CFAP20DC: variants seen among roughly 807,000 people sequenced by gnomAD.
CFAP20DC encodes the protein CFAP20 domain containing, also known as protein CFAP20DC.
A neutral mutation model predicts 101.7 loss-of-function variants in CFAP20DC; 84 were observed. The observed-to-expected ratio is 0.83, with a 90% CI of 0.69 to 0.99. The LOEUF (loss-of-function observed/expected upper bound fraction) is 0.99, where lower values mean the gene tolerates loss of function less well. CFAP20DC is among the 50% of genes least tolerant of loss of function. The probability of loss-of-function intolerance (pLI) is 0.00; values close to 1 mark genes in which losing one functional copy is unlikely to be tolerated. For missense variants in CFAP20DC, 1,007 were observed against 970.3 expected, an observed-to-expected ratio of 1.04 and a Z score of -0.50; for synonymous variants, 359 against 351.2, an observed-to-expected ratio of 1.02 and a Z score of -0.25.
chr3:58,881,120 T>C (rs542038511), intron 7 of CFAP20DC, among the ~76,000 whole-genome samples: 125 of 152,278 alleles, frequency 8.2e-4, no homozygotes, highest in Non-Finnish European at 1.4e-3. Context: ...AATAGTTAGA[T>C]GATTATTTCA....
intron 5 of CFAP20DC, among the ~76,000 whole-genome samples, chr3:58,931,017 A>G (rs576784442): frequency 1.8e-4 from 28 of 152,262 alleles, no homozygotes; most frequent in Admixed American, 1.4e-3. Flanking sequence ...CTTTCCTAGT[A>G]AAAGAAAGGG....
At chr3:58,745,166 T>C (rs1412095527) in intron 16 of CFAP20DC, among the ~76,000 whole-genome samples, 1 of 152,160 alleles carries the variant, frequency 6.6e-6, no homozygotes, top group Non-Finnish European at 1.5e-5. Context: ...AAATGGTCAT[T>C]CCATATTGAA....
At position 58,992,637 on chromosome 3, in the gene CFAP20DC, T is replaced by C. The variant is rs374237802; in HGVS notation, c.278+46920A>G. The C allele has an allele frequency of 3.4e-4, 269 of 792,200 alleles. No individual in the cohort carries two copies. In the African/African-American group the frequency reaches 4.7e-3, roughly 14 times the overall value. 49.1% of individuals were successfully genotyped at this position (792,200 alleles called of 1,614,324 possible). Reference sequence around the variant, plus strand: ...TTGCCTGCCTCCATCAGACAATAAATACAAAAATAATTTTGAAATTTGTTC... The same window carrying C: ...TTGCCTGCCTCCATCAGACAATAAACACAAAAATAATTTTGAAATTTGTTC... On this transcript the variant is annotated intron_variant, in intron 4 of 16. Coordinates refer to ENST00000482387, the MANE Select transcript of CFAP20DC (RefSeq NM_001394063.1).
At chr3:58,889,083 T>A (rs971349331) in intron 6 of CFAP20DC, among the ~76,000 whole-genome samples, 3 of 152,144 alleles carry the variant, frequency 2.0e-5, no homozygotes, top group African/African-American at 7.2e-5. Context: ...TTAAAATTAT[T>A]AACTTTCTCA....
intron 4 of CFAP20DC, among the ~76,000 whole-genome samples, chr3:58,961,301 C>G (rs1293373266): frequency 6.6e-6 from 1 of 152,140 alleles, no homozygotes; most frequent in Admixed American, 6.5e-5. Context: ...CGCCTGTAAT[C>G]CCAGCACTTT....
chr3:59,003,907 A>G (rs921341281), intron 4 of CFAP20DC, among the ~76,000 whole-genome samples: 2 of 152,206 alleles, frequency 1.3e-5, no homozygotes, highest in Non-Finnish European at 2.9e-5. Context: ...TTTTGTTTAA[A>G]CTAAGTGCAG....
At chr3:58,738,575 T>C (rs2067811002), downstream of CFAP20DC, among the ~76,000 whole-genome samples, 1 of 152,252 alleles carries the variant, frequency 6.6e-6, no homozygotes, top group Non-Finnish European at 1.5e-5. This position sits in a 1 kb window ranked among gnomAD's most constrained non-coding sequence, Gnocchi z 4.4. Flanking sequence ...ACAATTTCTT[T>C]GTCCAGTCTA....
chr3:58,970,767 A>T (rs1337981698), intron 4 of CFAP20DC: 1 of 152,142 alleles, frequency 6.6e-6, no homozygotes, highest in Non-Finnish European at 1.5e-5. Flanking sequence ...TGAGAAAATG[A>T]TCATAAAAAT....
chr3:59,031,249 C>A (rs1478954872), intron 4 of CFAP20DC, among the ~76,000 whole-genome samples: 1 of 152,172 alleles, frequency 6.6e-6, no homozygotes, highest in Admixed American at 6.5e-5. Flanking sequence ...GCAAAAGATT[C>A]TGTTCTAAGG....
chr3:59,044,340 T>TAAAG (rs1699667161), intron 3 of CFAP20DC, among the ~76,000 whole-genome samples: 1 of 152,150 alleles, frequency 6.6e-6, no homozygotes, highest in Non-Finnish European at 1.5e-5. Flanking sequence ...AAAATAGCTA[T>TAAAG]AAATTTCTGT....
At chr3:59,025,299 C>T (rs1414220132) in intron 4 of CFAP20DC, among the ~76,000 whole-genome samples, 1 of 152,038 alleles carries the variant, frequency 6.6e-6, no homozygotes, top group Non-Finnish European at 1.5e-5. Flanking sequence ...AGTCAATAGT[C>T]AAGGAGGCTC....
At position 58,897,813 on chromosome 3, in the gene CFAP20DC, T is replaced by G. The variant is rs78600651; in HGVS notation, c.551-13104A>C. 6.6e-6 allele frequency among the ~76,000 whole-genome samples: 1 copy of G among 152,200 alleles called. No homozygotes were observed. Among genetic ancestry groups the G allele is most frequent in the South Asian group, 2.1e-4 (1 of 4,826 alleles). ...TTGCCCTCTGGCTGCCCTTAACATTTTCTCTTTCATTTTGACCTTGGAGAA... is the reference window on the plus strand; with the variant it reads ...TTGCCCTCTGGCTGCCCTTAACATTGTCTCTTTCATTTTGACCTTGGAGAA... On this transcript the variant is annotated intron_variant, in intron 6 of 16. Coordinates refer to ENST00000482387, the MANE Select transcript of CFAP20DC (RefSeq NM_001394063.1). The surrounding 1 kb of genome is among the most constrained non-coding windows in gnomAD (Gnocchi z 4.4).
At position 58,743,692 on chromosome 3, in the gene CFAP20DC, T is replaced by C. The variant is rs116315246; in HGVS notation, c.2333-1120A>G. Reference sequence around the variant, plus strand: ...TGAAGGTGTAAATAAAAGCCCATGATCTTAAGTGTCACTGCCTAGAGGAAG... The same window carrying C: ...TGAAGGTGTAAATAAAAGCCCATGACCTTAAGTGTCACTGCCTAGAGGAAG... On this transcript the variant is annotated intron_variant, in intron 16 of 16. Coordinates refer to ENST00000482387, the MANE Select transcript of CFAP20DC (RefSeq NM_001394063.1). Among the ~76,000 whole-genome samples the C allele has an allele frequency of 9.7e-3, 1,480 of 152,222 alleles. 27 individuals carry two copies. The highest frequency in any genetic ancestry group is 0.034 in the African/African-American group (1,395 of 41,524).
At chr3:58,780,645 T>G (rs2071746226) in intron 15 of CFAP20DC, among the ~76,000 whole-genome samples, 1 of 152,036 alleles carries the variant, frequency 6.6e-6, no homozygotes, top group African/African-American at 2.4e-5. Context: ...TTAGCTATGC[T>G]TATATCACAC....
intron 4 of CFAP20DC, among the ~76,000 whole-genome samples, chr3:58,999,346 T>G (rs2093237338): frequency 6.6e-6 from 1 of 152,154 alleles, no homozygotes; most frequent in African/African-American, 2.4e-5. Context: ...AGGAGGCTGC[T>G]CCAGGCTTCA....
At chr3:58,756,814 A>T (rs2068992895) in intron 15 of CFAP20DC, among the ~76,000 whole-genome samples, 1 of 152,104 alleles carries the variant, frequency 6.6e-6, no homozygotes, top group African/African-American at 2.4e-5. Flanking sequence ...GTAGCATATT[A>T]TAATACTCCT....
intron 15 of CFAP20DC, among the ~76,000 whole-genome samples, chr3:58,779,071 T>C (rs903430409): frequency 1.3e-5 from 2 of 151,986 alleles, no homozygotes; most frequent in East Asian, 3.9e-4. Context: ...AGTAAAGAAA[T>C]ATGACAACTC....
downstream of CFAP20DC, among the ~76,000 whole-genome samples, chr3:58,740,819 A>C (rs2067864598): frequency 6.6e-6 from 1 of 152,208 alleles, no homozygotes; most frequent in African/African-American, 2.4e-5. This position sits in a 1 kb window ranked among gnomAD's most constrained non-coding sequence, Gnocchi z 4.6. Context: ...TTAAAGCAGA[A>C]ACAAGGCCTT....
chr3:58,806,873 C>T (rs1447690608), intron 14 of CFAP20DC, among the ~76,000 whole-genome samples: 1 of 152,200 alleles, frequency 6.6e-6, no homozygotes, highest in South Asian at 2.1e-4. Flanking sequence ...CCTAATACTG[C>T]ACTTTTCCAA....
Sources: allele counts gnomAD v4.1 joint callset (sites outside exome capture counted in the v4.1 genomes callset), GRCh38; gene constraint gnomAD v4.1.1; non-coding constraint Gnocchi (gnomAD v3.1); transcripts MANE v1.5; gene names NCBI Gene and HGNC (gene_info 2026-07-23, HGNC 2026-07-21).